SPAG16: variants seen among roughly 807,000 people sequenced by gnomAD.
SPAG16 encodes sperm-associated antigen 16 protein.
Under a neutral mutation model 80.4 loss-of-function variants are expected in SPAG16, and 86 were observed. That is an observed-to-expected ratio of 1.07 (90% CI 0.90 to 1.28). The LOEUF (loss-of-function observed/expected upper bound fraction) is 1.28, where lower values mean the gene tolerates loss of function less well. SPAG16 is among the 50% of genes most tolerant of loss of function. The pLI, the probability that SPAG16 is intolerant of heterozygous loss-of-function variation, is 0.00. For missense variants in SPAG16, 870 were observed against 765.3 expected (o/e 1.14, Z -1.61); for synonymous variants, 294 against 265.9 (o/e 1.11, Z -1.03).
At chr2:214,219,041 A>C (rs1028747823) in intron 15 of SPAG16, among the ~76,000 whole-genome samples, 3 of 152,234 alleles carry the variant, frequency 2.0e-5, no homozygotes, top group African/African-American at 7.2e-5. Flanking sequence ...CTTATTTAAA[A>C]AATAACTCTA....
intron 10 of SPAG16, among the ~76,000 whole-genome samples, chr2:213,795,348 A>G (rs1281344921): frequency 1.3e-5 from 2 of 152,228 alleles, no homozygotes; most frequent in Non-Finnish European, 2.9e-5. Flanking sequence ...GTAATTGACA[A>G]ATACACAAAA....
intron 12 of SPAG16, among the ~76,000 whole-genome samples, chr2:213,980,260 T>TAC (rs1439164527): frequency 0.098 from 5,749 of 58,910 alleles, 423 homozygotes; most frequent in South Asian, 0.2. Context: ...TATATGTGTG[T>TAC]ATATATATTC....
intron 10 of SPAG16, among the ~76,000 whole-genome samples, chr2:213,552,512 G>T (rs1313036596): frequency 6.6e-6 from 1 of 152,192 alleles, no homozygotes; most frequent in East Asian, 1.9e-4. Flanking sequence ...CAACTCAACT[G>T]TTTCTGTGTT....
At chr2:213,404,820 A>T (rs1196551791) in intron 9 of SPAG16, among the ~76,000 whole-genome samples, 1 of 151,868 alleles carries the variant, frequency 6.6e-6, no homozygotes, top group East Asian at 1.9e-4. Context: ...TTTACTTCTA[A>T]AGGTCATATT....
intron 15 of SPAG16, among the ~76,000 whole-genome samples, chr2:214,154,571 T>C (rs1188758425): frequency 6.7e-6 from 1 of 148,302 alleles, no homozygotes; most frequent in Non-Finnish European, 1.5e-5. Flanking sequence ...ATTCATCAGT[T>C]TCTTCTAGAA....
chr2:213,357,036 A>C (rs1019345028), intron 7 of SPAG16, among the ~76,000 whole-genome samples: 1 of 152,066 alleles, frequency 6.6e-6, no homozygotes, highest in Non-Finnish European at 1.5e-5. Context: ...CAGGTTCTTC[A>C]GTTTCCATGT....
At chr2:213,464,933 T>C (rs1198264635) in intron 9 of SPAG16, among the ~76,000 whole-genome samples, 1 of 152,292 alleles carries the variant, frequency 6.6e-6, no homozygotes, top group East Asian at 1.9e-4. Context: ...AGGAGAGTAC[T>C]GAGTTTTTGT....
chr2:213,856,442 C>T (rs114467065), intron 10 of SPAG16, among the ~76,000 whole-genome samples: 203 of 152,336 alleles, frequency 1.3e-3, no homozygotes, highest in African/African-American at 4.6e-3. Context: ...CTTACAGCTC[C>T]GTTAGGCAAT....
intron 10 of SPAG16, among the ~76,000 whole-genome samples, chr2:213,546,187 T>G (rs2076606557): frequency 6.6e-6 from 1 of 152,156 alleles, no homozygotes; most frequent in Non-Finnish European, 1.5e-5. Context: ...TTACATGATT[T>G]TTTTAAATCC....
intron 12 of SPAG16, among the ~76,000 whole-genome samples, chr2:213,960,970 C>T (rs1197714046): frequency 2.0e-5 from 3 of 152,170 alleles, no homozygotes; most frequent in Admixed American, 6.5e-5. Flanking sequence ...TTTTTTCCCA[C>T]TCTGGCTCCC....
intron 11 of SPAG16, among the ~76,000 whole-genome samples, chr2:213,928,643 G>A (rs891891586): frequency 1.3e-5 from 2 of 152,054 alleles, no homozygotes; most frequent in Non-Finnish European, 1.5e-5. Flanking sequence ...TTTCATTCAT[G>A]CTTGCATGCA....
intron 12 of SPAG16, among the ~76,000 whole-genome samples, chr2:213,973,203 C>G (rs565234738): frequency 2.0e-5 from 3 of 152,208 alleles, no homozygotes; most frequent in Admixed American, 6.5e-5. Context: ...TCCAAATTCC[C>G]CAGTATATAC....
intron 10 of SPAG16, among the ~76,000 whole-genome samples, chr2:213,837,218 A>G (rs999913799): frequency 2.0e-5 from 3 of 152,220 alleles, no homozygotes; most frequent in Admixed American, 1.3e-4. Flanking sequence ...GAGGATCACC[A>G]TGCCAGATAA....
In SPAG16 at chr2:213,862,501, C is replaced by A. The variant is rs1387470754; in HGVS notation, c.1087C>A (p.His363Asn). The A allele has an allele frequency of 6.2e-7, 1 of 1,614,076 alleles. No individual in the cohort carries two copies. The highest frequency in any genetic ancestry group is 8.5e-7 in the Non-Finnish European group (1 of 1,179,940). ...LPVSCVSMQP[H>N]KDILVSCGED... Reference sequence around the variant, plus strand: ...CTCGCGCAGTGTCTCCATGCAACCCCACAAAGACATCCTAGTCTCCTGTGG... The same window carrying A: ...CTCGCGCAGTGTCTCCATGCAACCCAACAAAGACATCCTAGTCTCCTGTGG... Residue 363 changes from histidine to asparagine, a missense_variant, in exon 11 of 16, where the codon CAC (histidine) becomes AAC (asparagine). By Grantham distance (68) the His-to-Asn change is moderately conservative. Coordinates refer to ENST00000331683, the MANE Select transcript of SPAG16 (RefSeq NM_024532.5).
intron 11 of SPAG16, among the ~76,000 whole-genome samples, chr2:213,916,262 C>T (rs923734912): frequency 3.3e-5 from 5 of 152,144 alleles, no homozygotes; most frequent in Non-Finnish European, 7.4e-5. Context: ...ACGTTTAAGT[C>T]TTTAATCCAT....
chr2:213,954,104 A>G lies in SPAG16; in HGVS notation c.1400+23959A>G, dbSNP rs1285425001. On this transcript the variant is annotated intron_variant, in intron 12 of 15. Coordinates refer to ENST00000331683, the MANE Select transcript of SPAG16 (RefSeq NM_024532.5). ...AATGTTAGAACAATCTTATCACACC[A>G]AAAAGAAGCTCCACTCTCATAAAGA... Among the ~76,000 whole-genome samples, 4 of 151,956 alleles carry G rather than the reference A, an allele frequency of 2.6e-5. No individual in the cohort carries two copies. In the East Asian group the frequency reaches 7.7e-4, roughly 29 times the overall value.
At chr2:213,562,690 T>G (rs983263335) in intron 10 of SPAG16, among the ~76,000 whole-genome samples, 1 of 152,126 alleles carries the variant, frequency 6.6e-6, no homozygotes, top group African/African-American at 2.4e-5. Flanking sequence ...TAGATGGTGC[T>G]ATCTTTTCTC....
chr2:214,178,168 T>G (rs1160872211), intron 15 of SPAG16, among the ~76,000 whole-genome samples: 1 of 143,056 alleles, frequency 7.0e-6, no homozygotes, highest in South Asian at 2.1e-4. Context: ...AATCTAAATA[T>G]ACCTAACTAG....
chr2:213,992,471 A>AT (rs1348678175), intron 12 of SPAG16, among the ~76,000 whole-genome samples: 9 of 152,060 alleles, frequency 5.9e-5, no homozygotes, highest in African/African-American at 9.7e-5. Flanking sequence ...TACTGACTAC[A>AT]TTTTTTACAT....
Sources: gnomAD v4.1 joint callset for allele counts (sites outside exome capture counted in the v4.1 genomes callset) on GRCh38, gnomAD v4.1.1 for gene constraint, MANE v1.5 for transcripts, NCBI Gene and HGNC (gene_info 2026-07-23, HGNC 2026-07-21) for gene names.